The following PCDHA1 variants were observed in gnomAD, a reference collection of about 807,000 sequenced individuals.
The protein encoded by PCDHA1 is protocadherin alpha 1.
PCDHA1 carries 42 observed loss-of-function variants against 61.3 expected under a neutral mutation model. That is an observed-to-expected ratio of 0.69 (90% confidence interval 0.54 to 0.89). The LOEUF is 0.89. Among genes scored for constraint, PCDHA1 ranks in the 40% least tolerant of loss-of-function variants. The probability of loss-of-function intolerance (pLI) is 0.00; values close to 1 mark genes in which losing one functional copy is unlikely to be tolerated. For missense variants in PCDHA1, 1,256 were observed against 1,235.3 expected, an observed-to-expected ratio of 1.02 and a Z score of -0.25; for synonymous variants, 610 against 553.8, an observed-to-expected ratio of 1.10 and a Z score of -1.43.
chr5:140,908,493 G>T (rs545927854), intron 1 of PCDHA1, among the ~76,000 whole-genome samples: 14 of 152,270 alleles, frequency 9.2e-5, no homozygotes, highest in African/African-American at 3.4e-4. Flanking sequence ...AGTTCAGGTT[G>T]CTTGGTGACT....
chr5:141,001,529 A>T (rs1344687772), intron 3 of PCDHA1, among the ~76,000 whole-genome samples: 1 of 152,106 alleles, frequency 6.6e-6, no homozygotes, highest in Non-Finnish European at 1.5e-5. Context: ...TCTCTCTCTG[A>T]TCCTGGACAG....
At chr5:140,807,268 G>T (rs557517265) in intron 1 of PCDHA1, 1 of 1,614,224 alleles carries the variant, frequency 6.2e-7, no homozygotes, top group Non-Finnish European at 8.5e-7. Flanking sequence ...GGGAGGCAGG[G>T]AACGGTCAGC....
intron 1 of PCDHA1, chr5:140,801,434 G>T: frequency 6.2e-7 from 1 of 1,613,932 alleles, no homozygotes; most frequent in South Asian, 1.1e-5. Context: ...AGGTAAATCT[G>T]CAGAATGGCA....
chr5:140,808,726 GA>G (rs1562219079), intron 1 of PCDHA1: 1 of 1,612,212 alleles, frequency 6.2e-7, no homozygotes, highest in Non-Finnish European at 8.5e-7. Flanking sequence ...TGCATGCGGA[GA>G]GCGGCAAGGT....
At chr5:140,914,809 T>G (rs532202561) in intron 1 of PCDHA1, among the ~76,000 whole-genome samples, 21 of 152,314 alleles carry the variant, frequency 1.4e-4, no homozygotes, top group African/African-American at 5.1e-4. Flanking sequence ...TGATGGCAAC[T>G]TAACAGACTG....
chr5:141,002,941 C>G (rs964416301), intron 3 of PCDHA1, among the ~76,000 whole-genome samples: 18 of 152,216 alleles, frequency 1.2e-4, no homozygotes, highest in African/African-American at 4.1e-4. Flanking sequence ...CACCCTCCAG[C>G]ACATGCCCCT....
chr5:140,940,073 A>G (rs1197351000), intron 1 of PCDHA1, among the ~76,000 whole-genome samples: 1 of 152,182 alleles, frequency 6.6e-6, no homozygotes, highest in Non-Finnish European at 1.5e-5. Context: ...AATATGTGAT[A>G]TCTTTCTGCT....
At chr5:140,926,923 T>G in intron 1 of PCDHA1, 1 of 1,571,554 alleles carries the variant, frequency 6.4e-7, no homozygotes. Flanking sequence ...AGTTTTATGT[T>G]TGTGGGTTTC....
intron 1 of PCDHA1, chr5:140,857,901 G>C: frequency 1.3e-6 from 2 of 1,597,732 alleles, no homozygotes; most frequent in Non-Finnish European, 1.7e-6. Context: ...GTTGGTGCAC[G>C]CATCCCGTTT....
chr5:140,982,153 C>T (rs990862287), intron 2 of PCDHA1, among the ~76,000 whole-genome samples: 1 of 152,162 alleles, frequency 6.6e-6, no homozygotes, highest in Non-Finnish European at 1.5e-5. Flanking sequence ...GCTTCAGTAT[C>T]GAGATGTTAA....
chr5:140,840,656 A>T (rs1281424347), intron 1 of PCDHA1, among the ~76,000 whole-genome samples: 3 of 152,078 alleles, frequency 2.0e-5, no homozygotes, highest in Non-Finnish European at 4.4e-5. Flanking sequence ...TGTAAAGAAT[A>T]TGCACATACA....
chr5:140,934,103 T>C (rs1400037088), intron 1 of PCDHA1, among the ~76,000 whole-genome samples: 1 of 152,148 alleles, frequency 6.6e-6, no homozygotes, highest in Non-Finnish European at 1.5e-5. Context: ...TGCTTTCTAT[T>C]TTATTAATTT....
At chr5:140,911,249 C>T (rs782367621) in intron 1 of PCDHA1, among the ~76,000 whole-genome samples, 4 of 152,152 alleles carry the variant, frequency 2.6e-5, no homozygotes, top group African/African-American at 4.8e-5. Context: ...AAAGTTTCAT[C>T]AGAATTTATA....
intron 1 of PCDHA1, among the ~76,000 whole-genome samples, chr5:140,879,397 G>A (rs973374921): frequency 6.6e-6 from 1 of 152,188 alleles, no homozygotes; most frequent in Non-Finnish European, 1.5e-5. Context: ...AACAGTTTGT[G>A]TGTATTTGAG....
At chr5:140,969,260 C>G (rs782595245) in intron 1 of PCDHA1, 1 of 1,614,228 alleles carries the variant, frequency 6.2e-7, no homozygotes, top group South Asian at 1.1e-5. Context: ...CAGCAGGAAT[C>G]TCACAGGCCA....
intron 1 of PCDHA1, among the ~76,000 whole-genome samples, chr5:140,790,185 G>C (rs80280775): frequency 2.0e-5 from 3 of 152,284 alleles, no homozygotes; most frequent in Non-Finnish European, 4.4e-5. Flanking sequence ...ATTGTGTAAA[G>C]GTTGAGAAAT....
intron 1 of PCDHA1, chr5:140,855,836 AC>A (rs1444767908): frequency 1.7e-6 from 1 of 600,200 alleles, no homozygotes; most frequent in Non-Finnish European, 2.9e-6. Flanking sequence ...AATCGTACTT[AC>A]ACCTAAAGCC....
At chr5:140,991,167 G>T (rs186627829) in intron 3 of PCDHA1, among the ~76,000 whole-genome samples, 2 of 152,270 alleles carry the variant, frequency 1.3e-5, no homozygotes, top group Non-Finnish European at 2.9e-5. Flanking sequence ...TATTCCCATT[G>T]TCAAGCAGGA....
intron 1 of PCDHA1, chr5:140,868,190 A>G (rs1315604501): frequency 7.2e-5 from 11 of 152,160 alleles, no homozygotes; most frequent in African/African-American, 1.2e-4. Context: ...TTATGCTACT[A>G]TGGCTTACAT....
Sources: allele counts gnomAD v4.1 joint callset (sites outside exome capture counted in the v4.1 genomes callset), GRCh38; gene constraint gnomAD v4.1.1; transcripts MANE v1.5; gene names NCBI Gene and HGNC (gene_info 2026-07-23, HGNC 2026-07-21).